Variants in CTNNA2 observed in about 807,000 individuals in gnomAD.
CTNNA2 encodes catenin alpha-2.
In CTNNA2, 42 loss-of-function variants were observed where a neutral mutation model predicts 101.0. That is an observed-to-expected ratio of 0.42 (90% confidence interval 0.32 to 0.54). The LOEUF is 0.54. Ranked by LOEUF, CTNNA2 falls within the 20% of genes least tolerant of loss-of-function variation. CTNNA2 has a pLI of 0.14. For missense variants in CTNNA2, 871 were observed against 1,223.1 expected, an observed-to-expected ratio of 0.71 and a Z score of 4.29; for synonymous variants, 450 against 456.4, an observed-to-expected ratio of 0.99 and a Z score of 0.18.
intron 2 of CTNNA2, among the ~76,000 whole-genome samples, chr2:79,201,965 G>A (rs1349381015): frequency 6.6e-6 from 1 of 152,156 alleles, no homozygotes; most frequent in Non-Finnish European, 1.5e-5. Context: ...TGTGTGAGAT[G>A]TACACTAGTT....
intron 3 of CTNNA2, among the ~76,000 whole-genome samples, chr2:79,798,100 C>T (rs1675862860): frequency 6.6e-6 from 1 of 152,056 alleles, no homozygotes; most frequent in East Asian, 1.9e-4. Flanking sequence ...ATTCATGTTC[C>T]CTGCCCCATA....
intron 7 of CTNNA2, among the ~76,000 whole-genome samples, chr2:80,061,194 T>C (rs930771): frequency 0.022 from 3,300 of 152,306 alleles, 86 homozygotes; most frequent in African/African-American, 0.066. Context: ...TTTTAATTTA[T>C]GTGTTAAGAA....
intron 2 of CTNNA2, among the ~76,000 whole-genome samples, chr2:79,234,697 C>A (rs544219889): frequency 6.6e-6 from 1 of 152,118 alleles, no homozygotes; most frequent in East Asian, 1.9e-4. Context: ...TTTACATAAT[C>A]CTATATTTAT....
At chr2:79,598,092 C>T (rs539877797) in intron 1 of CTNNA2, among the ~76,000 whole-genome samples, 18 of 152,298 alleles carry the variant, frequency 1.2e-4, no homozygotes, top group African/African-American at 4.3e-4. Flanking sequence ...TTCATATTGG[C>T]TTCTTAGTAA....
chr2:79,311,490 C>A (rs1676373111), intron 2 of CTNNA2, among the ~76,000 whole-genome samples: 1 of 151,634 alleles, frequency 6.6e-6, no homozygotes, highest in Non-Finnish European at 1.5e-5. Context: ...CTACAATCAC[C>A]TGTCACTATT....
intron 1 of CTNNA2, among the ~76,000 whole-genome samples, chr2:79,644,943 C>T (rs956755602): frequency 3.3e-5 from 5 of 151,962 alleles, no homozygotes; most frequent in Admixed American, 3.3e-4. Flanking sequence ...TGAGCATAAA[C>T]TTTGAAGTCA....
chr2:79,827,108 G>A (rs1265577777), intron 3 of CTNNA2, among the ~76,000 whole-genome samples: 3 of 151,962 alleles, frequency 2.0e-5, no homozygotes, highest in East Asian at 3.9e-4. Context: ...GCATGATCTC[G>A]GCTCGCTGCA....
intron 2 of CTNNA2, among the ~76,000 whole-genome samples, chr2:79,726,882 A>T (rs574306703): frequency 6.6e-6 from 1 of 152,290 alleles, no homozygotes; most frequent in Admixed American, 6.5e-5. Context: ...TAGGTTTTGG[A>T]TTTGTTATTG....
chr2:80,393,519 A>G (rs1337513346), intron 8 of CTNNA2, among the ~76,000 whole-genome samples: 1 of 152,226 alleles, frequency 6.6e-6, no homozygotes, highest in Non-Finnish European at 1.5e-5. Flanking sequence ...CTCACTGCCC[A>G]GATCCAATCT....
At chr2:79,863,882 A>C (rs1681825941) in intron 4 of CTNNA2, among the ~76,000 whole-genome samples, 1 of 152,140 alleles carries the variant, frequency 6.6e-6, no homozygotes, top group Admixed American at 6.6e-5. Flanking sequence ...AAAGCTGTTC[A>C]TGGAGGGGTG....
At chr2:80,566,641 T>G (rs1240177500) in intron 12 of CTNNA2, among the ~76,000 whole-genome samples, 1 of 152,084 alleles carries the variant, frequency 6.6e-6, no homozygotes, top group Non-Finnish European at 1.5e-5. Context: ...CCATACAGTA[T>G]GTGGACAGGA....
chr2:80,529,593 C>T (rs1023557045), intron 9 of CTNNA2, among the ~76,000 whole-genome samples: 1 of 152,124 alleles, frequency 6.6e-6, no homozygotes, highest in Non-Finnish European at 1.5e-5. Context: ...GGTGTTCACA[C>T]AATGAGTATG....
chr2:80,238,646 G>T (rs2149087182), intron 7 of CTNNA2, among the ~76,000 whole-genome samples: 1 of 152,256 alleles, frequency 6.6e-6, no homozygotes, highest in East Asian at 1.9e-4. Context: ...GGAAGAAAGT[G>T]AACCTCTTTG....
intron 2 of CTNNA2, among the ~76,000 whole-genome samples, chr2:79,255,753 C>T (rs1674836609): frequency 6.6e-6 from 1 of 152,168 alleles, no homozygotes; most frequent in Admixed American, 6.6e-5. Flanking sequence ...TATTTAAATT[C>T]ACCTTGTGTA....
chr2:79,672,349 A>G (rs13412541), intron 2 of CTNNA2, among the ~76,000 whole-genome samples: 32,019 of 152,198 alleles, frequency 0.21, 3,742 homozygotes, highest in Admixed American at 0.26. Context: ...ATCGTTAACA[A>G]TAATCACGAA....
intron 2 of CTNNA2, among the ~76,000 whole-genome samples, chr2:79,706,362 C>CA (rs34157774): frequency 0.064 from 5,006 of 77,778 alleles, 280 homozygotes; most frequent in African/African-American, 0.078. Flanking sequence ...GACTCCGTCT[C>CA]AAAAAAAAAA....
At position 80,608,190 on chromosome 2, in the gene CTNNA2, G is replaced by A; in HGVS notation, c.2302G>A (p.Asp768Asn). 1.2e-6 allele frequency: 2 copies of A among 1,609,394 alleles called. No homozygotes were observed. The highest frequency in any genetic ancestry group is 1.7e-6 in the Non-Finnish European group (2 of 1,176,786). Reference sequence around the variant, plus strand: ...CTCTTTTAATGTTTTATAGTGTCCTGATTCAGCATGTAAGCAGGATTTATT... The same window carrying A: ...CTCTTTTAATGTTTTATAGTGTCCTAATTCAGCATGTAAGCAGGATTTATT... ...LARAVADQCP[D>N]SACKQDLLAY... is the part of the protein sequence containing the mutation. The change falls in exon 17 of 19, where the codon GAT becomes AAT. Residue 768 changes from aspartate (D) to asparagine (N), a missense_variant. Physicochemically the swap from Asp to Asn is conservative, Grantham distance 23. Transcript: ENST00000402739.
intron 18 of CTNNA2, among the ~76,000 whole-genome samples, chr2:80,628,907 G>C (rs1671977810): frequency 6.6e-6 from 1 of 152,082 alleles, no homozygotes; most frequent in South Asian, 2.1e-4. Flanking sequence ...CCTCCATTGA[G>C]TGGAACAAGA....
chr2:79,641,576 G>A (rs1200081260), intron 1 of CTNNA2, among the ~76,000 whole-genome samples: 4 of 152,136 alleles, frequency 2.6e-5, no homozygotes, highest in Admixed American at 2.0e-4. Context: ...CTTTGGTCAA[G>A]AAATTTCATT....
Sources: allele counts gnomAD v4.1 joint callset (sites outside exome capture counted in the v4.1 genomes callset), GRCh38; gene constraint gnomAD v4.1.1; transcripts MANE v1.5; gene names NCBI Gene and HGNC (gene_info 2026-07-23, HGNC 2026-07-21).